The following AZIN2 variants were observed in gnomAD, a reference collection of about 807,000 sequenced individuals.
AZIN2 encodes the protein antizyme inhibitor 2, also known as ODC antizyme inhibitor-2.
In AZIN2, 28 loss-of-function variants were observed where a neutral mutation model predicts 47.8. The ratio of observed to expected loss-of-function variants is 0.59; its 90% confidence interval spans 0.43 to 0.80. The LOEUF is 0.80. AZIN2 is among the 30% of genes least tolerant of loss of function. The pLI is 0.00. For missense variants in AZIN2, 535 were observed against 582.5 expected, an observed-to-expected ratio of 0.92 and a Z score of 0.84; for synonymous variants, 221 against 239.4, an observed-to-expected ratio of 0.92 and a Z score of 0.71.
In AZIN2 at chr1:33,094,389, G is replaced by A. The variant is rs80320044; in HGVS notation, c.588-159G>A. On this transcript the variant is annotated intron_variant, in intron 7 of 11. Transcript: ENST00000294517. ...CCTGTCCACTTCTCCCTTGCCATAT[G>A]GCCCTTGGCAACCCATTGAACATTT... Among the ~76,000 whole-genome samples the A allele has an allele frequency of 0.012, 1,784 of 152,268 alleles. 12 individuals are homozygous for A. Among genetic ancestry groups the A allele is most frequent in the Non-Finnish European group, 0.019 (1,295 of 68,024 alleles).
the AZIN2 span, among the ~76,000 whole-genome samples, chr1:33,134,057 G>A: frequency 2.6e-5 from 4 of 152,320 alleles, no homozygotes; most frequent in East Asian, 1.9e-4. Context: ...GCAGAGGCAG[G>A]ATTTGAACCC....
the AZIN2 span, among the ~76,000 whole-genome samples, chr1:33,129,752 A>G: frequency 6.6e-6 from 1 of 152,052 alleles, no homozygotes; most frequent in Non-Finnish European, 1.5e-5. This position sits in a 1 kb window ranked among gnomAD's most constrained non-coding sequence, Gnocchi z 4.1. Context: ...CTTTTCTACT[A>G]TTTACCCATT....
At chr1:33,158,347 C>T in the AZIN2 span, 161 of 1,613,682 alleles carry the variant, frequency 1.0e-4, 1 homozygote, top group Non-Finnish European at 1.3e-4. Context: ...TGAGGTTGGT[C>T]TCATGGATTT....
chr1:33,162,289 A>T, the AZIN2 span, among the ~76,000 whole-genome samples: 1 of 152,032 alleles, frequency 6.6e-6, no homozygotes, highest in East Asian at 1.9e-4. Flanking sequence ...TTGCAACTCC[A>T]CCTGCCTAGA....
rs1242797140 is a variant in AZIN2 at position 33,117,968 on chromosome 1, TGCGTG to T, written c.1099_1103del (p.Val367Ter). On this transcript the variant is annotated frameshift_variant, in exon 11 of 12. Coordinates refer to ENST00000294517, the MANE Select transcript of AZIN2 (RefSeq NM_052998.4). LOFTEE classifies it high-confidence loss of function. The stretch of plus-strand genomic sequence containing the variant: ...GGGCCCGGCGGTTGATGGCTGTGAT[TGCGTG>T]GCTGAGGGCCTGTGGCTGCCGCAAC... 6.2e-7 allele frequency: 1 copy of T among 1,613,072 alleles called. No individual in the cohort carries two copies. The highest frequency in any genetic ancestry group is 2.2e-5 in the East Asian group (1 of 44,876).
At chr1:33,149,044 G>A in the AZIN2 span, among the ~76,000 whole-genome samples, 1 of 152,132 alleles carries the variant, frequency 6.6e-6, no homozygotes. Context: ...TCTGCTTGTT[G>A]CAACCACCCC....
At chr1:33,128,288 G>A (rs903478906), downstream of AZIN2, among the ~76,000 whole-genome samples, 1 of 151,934 alleles carries the variant, frequency 6.6e-6, no homozygotes. Flanking sequence ...GTGGGAGGAG[G>A]ATTGCTTGAG....
chr1:33,100,564 C>CGTGTGT lies in AZIN2; in HGVS notation c.1029+2405_1029+2410dup, dbSNP rs57021036. ...AGTACAGTCCTGTTGGATAGAAACA[C>CGTGTGT]GTGTGTGTGTGTGTGTGTGTGTGTG... On this transcript the variant is annotated intron_variant, in intron 10 of 11. Transcript: ENST00000294517. Among the ~76,000 whole-genome samples, 360 of 148,320 alleles carry CGTGTGT rather than the reference C, an allele frequency of 2.4e-3. 3 individuals carry two copies. Among genetic ancestry groups the CGTGTGT allele is most frequent in the African/African-American group, 8.2e-3 (333 of 40,682 alleles).
At chr1:33,126,263 TTC>T (rs1644855832), downstream of AZIN2, among the ~76,000 whole-genome samples, 1 of 152,216 alleles carries the variant, frequency 6.6e-6, no homozygotes, top group African/African-American at 2.4e-5. Flanking sequence ...TCTCTCTCCT[TTC>T]TCTTACTTTC....
chr1:33,135,245 G>A, the AZIN2 span, among the ~76,000 whole-genome samples: 6 of 152,136 alleles, frequency 3.9e-5, no homozygotes, highest in Admixed American at 6.5e-5. Flanking sequence ...CTGAGATGGC[G>A]CCACTGCACT....
chr1:33,160,057 C>T, the AZIN2 span: 30 of 1,372,238 alleles, frequency 2.2e-5, no homozygotes, highest in South Asian at 3.4e-4. Context: ...TGGGAAAGGG[C>T]ACGCGTGGTG....
rs368851609 is a variant in AZIN2 at position 33,084,140 on chromosome 1, C to T, written c.279+13C>T. The stretch of plus-strand genomic sequence containing the variant: ...CTGTGCCAACAAGGTGAGCCCTGCC[C>T]GCACGGTGCACTGACCCTCCATGCC... On this transcript the variant is annotated intron_variant, in intron 5 of 11. Coordinates refer to ENST00000294517, the MANE Select transcript of AZIN2 (RefSeq NM_052998.4). 6.0e-5 allele frequency: 97 copies of T among 1,606,274 alleles called. No individual in the cohort carries two copies. Among genetic ancestry groups the T allele is most frequent in the Admixed American group, 2.5e-4 (15 of 59,990 alleles).
chr1:33,164,385 C>T, the AZIN2 span: 1 of 152,312 alleles, frequency 6.6e-6, no homozygotes, highest in South Asian at 2.1e-4. Context: ...TCACCCCAGG[C>T]CTCACGACAC....
the AZIN2 span, among the ~76,000 whole-genome samples, chr1:33,151,747 A>G: frequency 0.03 from 4,498 of 152,266 alleles, 207 homozygotes; most frequent in African/African-American, 0.092. Flanking sequence ...CATCTCTGAG[A>G]CCTTGAGGTC....
the AZIN2 span, chr1:33,142,185 G>A: frequency 6.6e-6 from 1 of 152,304 alleles, no homozygotes; most frequent in East Asian, 1.9e-4. Context: ...AACTGACCTT[G>A]TGGTGATGTG....
At chr1:33,146,899 A>C in the AZIN2 span, 2 of 459,716 alleles carry the variant, frequency 4.4e-6, no homozygotes, top group Non-Finnish European at 3.9e-6. Context: ...GATGGGGATG[A>C]GGGTTGGGCA....
downstream of AZIN2, among the ~76,000 whole-genome samples, chr1:33,126,447 T>C (rs17483098): frequency 0.21 from 31,373 of 152,200 alleles, 3,968 homozygotes; most frequent in South Asian, 0.31. Context: ...TACTTTCTAG[T>C]GTGATCTGGA....
At chr1:33,089,142 A>T (rs1289455126) in intron 5 of AZIN2, among the ~76,000 whole-genome samples, 2 of 152,188 alleles carry the variant, frequency 1.3e-5, no homozygotes, top group African/African-American at 4.8e-5. Flanking sequence ...CATCTGTGCC[A>T]CTTAGAAGCT....
At chr1:33,130,544 G>C in the AZIN2 span, among the ~76,000 whole-genome samples, 1 of 152,166 alleles carries the variant, frequency 6.6e-6, no homozygotes, top group East Asian at 1.9e-4. Context: ...GAGTGAGCTT[G>C]AAAGTAGATC....
Sources: gnomAD v4.1 joint callset for allele counts (sites outside exome capture counted in the v4.1 genomes callset) on GRCh38, gnomAD v4.1.1 for gene constraint, Gnocchi (gnomAD v3.1) non-coding constraint, MANE v1.5 for transcripts, NCBI Gene and HGNC (gene_info 2026-07-23, HGNC 2026-07-21) for gene names.